PRP4K: variants seen among roughly 807,000 people sequenced by gnomAD.
PRP4K encodes the protein serine/threonine-protein kinase PRP4 homolog.
the PRP4K span, chr6:4,052,035 G>A: frequency 7.5e-6 from 12 of 1,606,758 alleles, no homozygotes; most frequent in Middle Eastern, 1.6e-4. Flanking sequence ...TTCATTGTCT[G>A]AGACTCTTCA....
the PRP4K span, among the ~76,000 whole-genome samples, chr6:4,057,503 A>C: frequency 1.3e-5 from 2 of 152,224 alleles, no homozygotes; most frequent in African/African-American, 4.8e-5. Context: ...AATTAGGTAA[A>C]ATACAAGAAC....
the PRP4K span, among the ~76,000 whole-genome samples, chr6:4,028,394 A>C: frequency 1.3e-5 from 2 of 151,946 alleles, no homozygotes; most frequent in Non-Finnish European, 2.9e-5. Context: ...TTTTGTAGAG[A>C]TAGGATCTCA....
chr6:4,044,074 A>C, the PRP4K span: 1 of 1,539,396 alleles, frequency 6.5e-7, no homozygotes, highest in Non-Finnish European at 9.0e-7. Flanking sequence ...TTAGCTCTGT[A>C]ACTTTATAAT....
the PRP4K span, chr6:4,021,331 A>G: frequency 1.1e-5 from 16 of 1,520,608 alleles, no homozygotes; most frequent in Non-Finnish European, 1.3e-5. Flanking sequence ...CGGTCGGCAC[A>G]TGCGCGGCAG....
At chr6:4,021,391 G>A in the PRP4K span, 3 of 1,563,404 alleles carry the variant, frequency 1.9e-6, no homozygotes, top group African/African-American at 2.7e-5. Flanking sequence ...TCCGGGAGCC[G>A]CCGCCACCGC....
chr6:4,023,559 T>G, the PRP4K span, among the ~76,000 whole-genome samples: 2 of 152,240 alleles, frequency 1.3e-5, no homozygotes, highest in Non-Finnish European at 2.9e-5. Flanking sequence ...TTTTTTCCAC[T>G]GTCCCAGAAA....
the PRP4K span, among the ~76,000 whole-genome samples, chr6:4,028,974 A>G: frequency 1.4e-5 from 2 of 141,836 alleles, no homozygotes; most frequent in African/African-American, 2.6e-5. Flanking sequence ...AGAACCATAT[A>G]TTATCTTGTT....
chr6:4,021,353 C>G, the PRP4K span: 1 of 1,546,802 alleles, frequency 6.5e-7, no homozygotes, highest in Non-Finnish European at 8.7e-7. Context: ...TCTTTTCCTT[C>G]TTCCTCCACT....
At chr6:4,029,012 C>CTTTTTTTT in the PRP4K span, among the ~76,000 whole-genome samples, 1 of 132,476 alleles carries the variant, frequency 7.5e-6, no homozygotes, top group Non-Finnish European at 1.6e-5. Context: ...TACTTGGAAT[C>CTTTTTTTT]TTTTTTTTTT....
At chr6:4,035,426 C>T in the PRP4K span, among the ~76,000 whole-genome samples, 3 of 150,194 alleles carry the variant, frequency 2.0e-5, no homozygotes, top group Non-Finnish European at 4.4e-5. Flanking sequence ...GGATTACAGG[C>T]GTGAGCCACC....
the PRP4K span, among the ~76,000 whole-genome samples, chr6:4,055,142 T>C: frequency 9.9e-5 from 15 of 152,206 alleles, no homozygotes; most frequent in African/African-American, 3.4e-4. Context: ...GCAGAAGTTG[T>C]GTAGCAAACT....
chr6:4,031,669 G>C, the PRP4K span: 1 of 1,607,256 alleles, frequency 6.2e-7, no homozygotes, highest in African/African-American at 1.3e-5. Context: ...CATAAACACA[G>C]AAGTAAACAT....
the PRP4K span, among the ~76,000 whole-genome samples, chr6:4,046,682 A>G: frequency 6.7e-6 from 1 of 148,468 alleles, no homozygotes; most frequent in Non-Finnish European, 1.5e-5. Context: ...TTTTTGAGCC[A>G]GAGTCCAATT....
chr6:4,041,282 A>G, the PRP4K span, among the ~76,000 whole-genome samples: 1 of 152,186 alleles, frequency 6.6e-6, no homozygotes, highest in Non-Finnish European at 1.5e-5. Context: ...TTTGTGTTAG[A>G]TGATACATAC....
At chr6:4,033,997 TA>T in the PRP4K span, among the ~76,000 whole-genome samples, 10,711 of 152,144 alleles carry the variant, frequency 0.07, 508 homozygotes, top group Middle Eastern at 0.12. Context: ...GAAACAAAAA[TA>T]TTTTTTTAAA....
At chr6:4,064,086 C>T in the PRP4K span, 3 of 152,162 alleles carry the variant, frequency 2.0e-5, no homozygotes, top group East Asian at 5.8e-4. Context: ...AGGTTTTGAG[C>T]AGGGGGAGCA....
At chr6:4,049,060 G>C in the PRP4K span, 2 of 1,612,732 alleles carry the variant, frequency 1.2e-6, no homozygotes, top group Non-Finnish European at 1.7e-6. Flanking sequence ...ATTTCAAAGA[G>C]AATCCCAACC....
At chr6:4,043,574 C>G in the PRP4K span, among the ~76,000 whole-genome samples, 3 of 152,178 alleles carry the variant, frequency 2.0e-5, no homozygotes, top group African/African-American at 7.2e-5. Flanking sequence ...CTCATCTGAT[C>G]AGGTCCAGTG....
At chr6:4,043,871 C>G in the PRP4K span, 5 of 1,614,090 alleles carry the variant, frequency 3.1e-6, no homozygotes, top group Non-Finnish European at 3.4e-6. Context: ...CCAAGCAGCC[C>G]CCAGAGCAGT....
Sources: gnomAD v4.1 joint callset for allele counts (sites outside exome capture counted in the v4.1 genomes callset) on GRCh38, gnomAD v4.1.1 for gene constraint, MANE v1.5 for transcripts, NCBI Gene and HGNC (gene_info 2026-07-23, HGNC 2026-07-21) for gene names.